The following ANK1 variants were observed in gnomAD, a reference collection of about 807,000 sequenced individuals.
ANK1 encodes the protein ankyrin 1, also known as ankyrin-1.
In ANK1, 51 loss-of-function variants were observed where a neutral mutation model predicts 210.4. The ratio of observed to expected loss-of-function variants is 0.24; its 90% CI spans 0.19 to 0.31. ANK1 has a LOEUF of 0.31. ANK1 is among the 10% of genes least tolerant of loss of function. ANK1 has a pLI of 1.00. For synonymous variants in ANK1, 967 were observed against 1,025.9 expected (o/e 0.94, Z 1.10); for missense variants, 2,051 against 2,504.4 (o/e 0.82, Z 3.86).
chr8:41,822,162 GAAA>G, intron 1 of ANK1, among the ~76,000 whole-genome samples: 2 of 141,826 alleles, frequency 1.4e-5, no homozygotes, highest in Admixed American at 1.4e-4. Context: ...AAGAAAGAAA[GAAA>G]GAAAGAAAGA....
At position 41,672,876 on chromosome 8, in the gene ANK1, G is replaced by A; in HGVS notation, c.4574C>T (p.Ala1525Val). The A allele has an allele frequency of 1.2e-6, 2 of 1,605,858 alleles. No homozygotes were observed. The highest frequency in any genetic ancestry group is 3.3e-4 in the Middle Eastern group (2 of 5,996). ...AGAGGAAAGTGCACAGCCCAGGGAG[G>A]CAGGGGACAGCAGCTCGTCCTGCAG... is the stretch of plus-strand genomic sequence containing the variant. ...SSLQDELLSP[A>V]SLGCALSSPL... The change falls in exon 38 of 43, where the codon GCC (alanine) becomes GTC (valine). Residue 1525 changes from alanine (A) to valine (V), a missense_variant. Around this residue, in one of 6 missense-constraint regions of ANK1, gnomAD observed 496 missense variants for 533.4 expected, o/e 0.93. Coordinates refer to ENST00000289734, the MANE Select transcript of ANK1 (RefSeq NM_000037.4).
chr8:41,858,696 G>T (rs1812676602), intron 1 of ANK1, among the ~76,000 whole-genome samples: 1 of 152,224 alleles, frequency 6.6e-6, no homozygotes, highest in East Asian at 1.9e-4. Context: ...TCCAGGACAA[G>T]TTTATCTTAG....
chr8:41,671,995 T>C (rs1812542800), intron 38 of ANK1, among the ~76,000 whole-genome samples: 1 of 138,064 alleles, frequency 7.2e-6, no homozygotes, highest in African/African-American at 2.8e-5. Flanking sequence ...CCAGGCACCC[T>C]AATGTCCCTA....
intron 1 of ANK1, among the ~76,000 whole-genome samples, chr8:41,783,190 G>A (rs1477940338): frequency 1.3e-5 from 2 of 152,216 alleles, no homozygotes; most frequent in African/African-American, 2.4e-5. Context: ...TTGTCTAACT[G>A]GTAATCCAGT....
intron 42 of ANK1, 131 bp downstream of exon 42, chr8:41,661,299 C>T: frequency 7.3e-7 from 1 of 1,369,490 alleles, no homozygotes; most frequent in Non-Finnish European, 1.0e-6. Flanking sequence ...AGAATCTCTG[C>T]CTCGAGACAC....
intron 1 of ANK1, among the ~76,000 whole-genome samples, chr8:41,805,840 G>A (rs1850889549): frequency 1.3e-5 from 2 of 152,218 alleles, no homozygotes; most frequent in African/African-American, 4.8e-5. Context: ...TGGTGGAATA[G>A]GTTGTGTCAG....
At chr8:41,814,100 G>A in intron 1 of ANK1, among the ~76,000 whole-genome samples, 1 of 152,130 alleles carries the variant, frequency 6.6e-6, no homozygotes, top group Non-Finnish European at 1.5e-5. Context: ...GGCGGCTCAT[G>A]CCTGTAATCC....
chr8:41,709,690 T>C (rs1825635967), intron 16 of ANK1, among the ~76,000 whole-genome samples: 1 of 152,174 alleles, frequency 6.6e-6, no homozygotes, highest in African/African-American at 2.4e-5. Context: ...TTCCCAACAC[T>C]TTGGGAGGCT....
intron 16 of ANK1, among the ~76,000 whole-genome samples, chr8:41,709,225 C>T (rs1286933942): frequency 6.6e-6 from 1 of 152,228 alleles, no homozygotes; most frequent in African/African-American, 2.4e-5. Context: ...TATGCTTTGA[C>T]AAACTGCTGG....
At chr8:41,798,147 C>T (rs1417981087), upstream of ANK1, among the ~76,000 whole-genome samples, 1 of 151,972 alleles carries the variant, frequency 6.6e-6, no homozygotes, top group African/African-American at 2.4e-5. Context: ...CCAGGGCGCA[C>T]GCCCTGTCGG....
At chr8:41,685,038 C>T (rs1332539555) in intron 36 of ANK1, among the ~76,000 whole-genome samples, 4 of 152,316 alleles carry the variant, frequency 2.6e-5, no homozygotes, top group Non-Finnish European at 4.4e-5. Flanking sequence ...AAGCAATTCT[C>T]GTTCCTCAGC....
intron 1 of ANK1, among the ~76,000 whole-genome samples, chr8:41,840,751 G>A (rs554874125): frequency 2.0e-5 from 3 of 152,342 alleles, no homozygotes; most frequent in Admixed American, 1.3e-4. Context: ...TCAATGTATG[G>A]ATTGGGAGCA....
chr8:41,767,827 G>A (rs556075935), intron 1 of ANK1, among the ~76,000 whole-genome samples: 8 of 152,226 alleles, frequency 5.3e-5, no homozygotes, highest in Admixed American at 2.0e-4. Flanking sequence ...CGAATGCCCT[G>A]GTGAATGGGC....
At chr8:41,770,531 A>G (rs1842786516) in intron 1 of ANK1, among the ~76,000 whole-genome samples, 1 of 152,252 alleles carries the variant, frequency 6.6e-6, no homozygotes, top group African/African-American at 2.4e-5. Context: ...TGTGGGTTAT[A>G]TACAATCACA....
At chr8:41,891,308 A>T (rs898039594) in intron 1 of ANK1, among the ~76,000 whole-genome samples, 1 of 151,782 alleles carries the variant, frequency 6.6e-6, no homozygotes, top group East Asian at 1.9e-4. Flanking sequence ...GTGTTGCCAC[A>T]TTGAGAGGAG....
At chr8:41,847,299 G>C (rs955087157) in intron 1 of ANK1, among the ~76,000 whole-genome samples, 1 of 152,176 alleles carries the variant, frequency 6.6e-6, no homozygotes, top group Non-Finnish European at 1.5e-5. Flanking sequence ...AGGTTTACCT[G>C]GGGAGGTGAA....
At chr8:41,780,115 A>C (rs1235812026) in intron 1 of ANK1, among the ~76,000 whole-genome samples, 1 of 152,222 alleles carries the variant, frequency 6.6e-6, no homozygotes, top group Non-Finnish European at 1.5e-5. Context: ...GAAGTCAGTG[A>C]CAGCTGACAT....
At chr8:41,864,471 C>A (rs918895889) in intron 1 of ANK1, among the ~76,000 whole-genome samples, 1 of 152,106 alleles carries the variant, frequency 6.6e-6, no homozygotes, top group Admixed American at 6.6e-5. Flanking sequence ...CTGCTGGCCG[C>A]GTGCTGAGTC....
chr8:41,758,533 G>A (rs1839735434), intron 1 of ANK1, among the ~76,000 whole-genome samples: 1 of 151,790 alleles, frequency 6.6e-6, no homozygotes, highest in South Asian at 2.1e-4. Flanking sequence ...ATAGAGACAG[G>A]GCATCACTAT....
Sources: gnomAD v4.1 joint callset for allele counts (sites outside exome capture counted in the v4.1 genomes callset) on GRCh38, gnomAD v4.1.1 for gene constraint, gnomAD v4.1.1 regional missense constraint, MANE v1.5 for transcripts, NCBI Gene and HGNC (gene_info 2026-07-23, HGNC 2026-07-21) for gene names.